ADGRV1: variants seen among roughly 807,000 people sequenced by gnomAD.
ADGRV1 encodes the protein adhesion G protein-coupled receptor V1, also known as G-protein coupled receptor 98.
In ADGRV1, 359 loss-of-function variants were observed where a neutral mutation model predicts 596.2. The ratio of observed to expected loss-of-function variants is 0.60; its 90% CI spans 0.55 to 0.66. ADGRV1 has a LOEUF of 0.66. Ranked by LOEUF, ADGRV1 falls within the 30% of genes least tolerant of loss-of-function variation. The pLI, the probability that ADGRV1 is intolerant of heterozygous loss-of-function variation, is 0.00. For synonymous variants in ADGRV1, 2,681 were observed against 2,679.2 expected (o/e 1.00, Z -0.02); for missense variants, 7,274 against 7,575.6 (o/e 0.96, Z 1.48).
At chr5:91,001,278 A>G (rs2151108101) in intron 85 of ADGRV1, among the ~76,000 whole-genome samples, 1 of 152,050 alleles carries the variant, frequency 6.6e-6, no homozygotes, top group South Asian at 2.1e-4. Flanking sequence ...AGGTCTCACT[A>G]TGTTACCCAG....
At chr5:90,993,913 G>T (rs1005655800) in intron 85 of ADGRV1, among the ~76,000 whole-genome samples, 3 of 149,354 alleles carry the variant, frequency 2.0e-5, no homozygotes, top group African/African-American at 7.4e-5. Flanking sequence ...TAATTTTTTT[G>T]GTTCTATTTT....
At chr5:90,970,605 G>A (rs143096144) in intron 84 of ADGRV1, among the ~76,000 whole-genome samples, 16,359 of 144,762 alleles carry the variant, frequency 0.11, 1,164 homozygotes, top group Non-Finnish European at 0.15. Context: ...GGTCTGGAGT[G>A]GACCTCCAGC....
chr5:91,068,703 TA>T (rs1788103705), intron 85 of ADGRV1, among the ~76,000 whole-genome samples: 1 of 151,942 alleles, frequency 6.6e-6, no homozygotes, highest in Non-Finnish European at 1.5e-5. Flanking sequence ...CAAATGGCCA[TA>T]CTACCCAAAG....
At position 90,654,040 on chromosome 5, in the gene ADGRV1, A is replaced by G. The variant is rs1769048846; in HGVS notation, c.4378+88A>G. ...TTTAGATTTTTAAAAAAGTGCTAAC[A>G]TGTATTTGAAAACTCTACTTATGCA... is the stretch of plus-strand genomic sequence containing the variant. On this transcript the variant is annotated intron_variant, in intron 20 of 89. Transcript: ENST00000405460. 5 of 1,342,536 alleles carry G rather than the reference A, an allele frequency of 3.7e-6. No individual in the cohort carries two copies. The South Asian group carries it at 3.8e-5, about 10-fold the overall frequency. The allele number at this position is 1,342,536 out of a possible 1,614,324, so 83.2% of individuals were successfully genotyped here.
At chr5:90,743,072 C>T (rs957744051) in intron 50 of ADGRV1, among the ~76,000 whole-genome samples, 4 of 152,084 alleles carry the variant, frequency 2.6e-5, no homozygotes, top group Admixed American at 2.0e-4. Context: ...ATTGGAAGTC[C>T]GTGAGTACAG....
chr5:91,138,182 T>C (rs1171905159), intron 87 of ADGRV1, among the ~76,000 whole-genome samples: 1 of 151,978 alleles, frequency 6.6e-6, no homozygotes, highest in African/African-American at 2.4e-5. Context: ...TCAGCTCTTA[T>C]TCCAAAAAAG....
chr5:91,127,765 TCTC>T (rs1793892975), intron 87 of ADGRV1, among the ~76,000 whole-genome samples: 1 of 152,108 alleles, frequency 6.6e-6, no homozygotes, highest in African/African-American at 2.4e-5. Flanking sequence ...CCATTTTAAT[TCTC>T]CTCTGTTTTC....
At position 90,703,728 on chromosome 5, in the gene ADGRV1, G is replaced by A. The variant is rs1748210285; in HGVS notation, c.8219G>A (p.Trp2740Ter). The A allele has an allele frequency of 6.2e-7, 1 of 1,605,010 alleles. No homozygotes were observed. The highest frequency in any genetic ancestry group is 8.5e-7 in the Non-Finnish European group (1 of 1,175,092). ...FPGRGNVTVN[W>*]KIIGQNLELN... is the part of the protein sequence containing the mutation. ...GGTCGAGGAAATGTTACTGTTAACT[G>A]GAAAATTATTGGGCAAAATCTAGAA... The change falls in exon 35 of 90, where the codon TGG (tryptophan) becomes TAG (stop). Residue 2740 changes from tryptophan (W) to a stop codon, truncating the protein, a stop_gained. Transcript: ENST00000405460. LOFTEE classifies it high-confidence loss of function.
chr5:91,095,119 G>T (rs1264878292), intron 86 of ADGRV1, among the ~76,000 whole-genome samples: 3 of 152,146 alleles, frequency 2.0e-5, no homozygotes, highest in Non-Finnish European at 4.4e-5. Flanking sequence ...AATTAGATCT[G>T]AGTATAGAAC....
intron 87 of ADGRV1, among the ~76,000 whole-genome samples, chr5:91,117,076 T>C (rs1371320428): frequency 6.6e-6 from 1 of 152,144 alleles, no homozygotes; most frequent in East Asian, 1.9e-4. Flanking sequence ...AAGATGGTCA[T>C]TTAAAAAGGT....
In ADGRV1 at chr5:90,558,936, G is replaced by T; in HGVS notation, c.22+19G>T. On this transcript the variant is annotated intron_variant, in intron 1 of 89. Transcript: ENST00000405460. ...GGGCCAGGTAGGCTATGGCTGAGGG[G>T]TGGTGCTGCGAGCATCGCTGAGCCC... The T allele has an allele frequency of 6.4e-7, 1 of 1,552,964 alleles. No homozygotes were observed. The highest frequency in any genetic ancestry group is 8.7e-7 in the Non-Finnish European group (1 of 1,147,692).
intron 52 of ADGRV1, among the ~76,000 whole-genome samples, chr5:90,749,515 T>C (rs1755011944): frequency 6.6e-6 from 1 of 152,222 alleles, no homozygotes; most frequent in Non-Finnish European, 1.5e-5. Context: ...GTTAAAATGC[T>C]GTGTAAAATA....
rs1441445687 is a variant in ADGRV1, at chr5:90,828,612, ATTCC to A, written c.16369-329_16369-326del. On this transcript the variant is annotated intron_variant, in intron 76 of 89. Coordinates refer to ENST00000405460, the MANE Select transcript of ADGRV1 (RefSeq NM_032119.4). ...GTGTTAAAAAACATTGAATTAGTTT[ATTCC>A]TTTTAACTACTTTATAGTGTTTTGT... 1.1e-4 allele frequency among the ~76,000 whole-genome samples: 17 copies of A among 152,146 alleles called. 1 individual carries two copies. Among genetic ancestry groups the A allele is most frequent in the Admixed American group, 5.2e-4 (8 of 15,272 alleles).
At chr5:90,875,761 A>G (rs940010845) in intron 83 of ADGRV1, among the ~76,000 whole-genome samples, 1 of 152,214 alleles carries the variant, frequency 6.6e-6, no homozygotes, top group Non-Finnish European at 1.5e-5. Context: ...AGGTTTGGAG[A>G]TGAGAGAACA....
intron 1 of ADGRV1, among the ~76,000 whole-genome samples, chr5:90,595,361 G>C (rs1376123149): frequency 2.2e-5 from 1 of 45,156 alleles, no homozygotes; most frequent in African/African-American, 1.1e-4. Context: ...CCTCCCTCCC[G>C]GACGGGGCGG....
In ADGRV1 at chr5:90,828,944, G is replaced by T. The variant is rs765496324; in HGVS notation, c.16369G>T (p.Val5457Leu). The T allele has an allele frequency of 4.5e-6, 7 of 1,563,428 alleles. No individual in the cohort carries two copies. Among genetic ancestry groups the T allele is most frequent in the East Asian group, 2.3e-5 (1 of 44,364 alleles). ...FISIELKPEK[V>L]PQVEVYFFVE... ...TTTTTTTCCTTTTTCTCATTGTCAG[G>T]TACCACAGGTTGAAGTGTATTTTTT... Residue 5457 changes from valine (V) to leucine (L), a missense_variant and splice_region_variant, in exon 77 of 90, where the codon GTA (valine) becomes TTA (leucine). By Grantham distance (32) the Val-to-Leu change is conservative (BLOSUM62 1). Coordinates refer to ENST00000405460, the MANE Select transcript of ADGRV1 (RefSeq NM_032119.4).
intron 75 of ADGRV1, among the ~76,000 whole-genome samples, chr5:90,816,238 GTGT>G (rs1416085814): frequency 6.6e-6 from 1 of 152,090 alleles, no homozygotes; most frequent in Non-Finnish European, 1.5e-5. Context: ...ATGAGTGGAA[GTGT>G]TGTTTCTTTA....
chr5:90,965,214 T>TG (rs750219910), intron 83 of ADGRV1, among the ~76,000 whole-genome samples: 2 of 152,192 alleles, frequency 1.3e-5, no homozygotes, highest in Non-Finnish European at 2.9e-5. Flanking sequence ...TTTCATATCA[T>TG]GCGCTGTTTC....
chr5:90,639,097 C>CACAT (rs1554067823), intron 11 of ADGRV1, among the ~76,000 whole-genome samples: 5 of 150,774 alleles, frequency 3.3e-5, no homozygotes, highest in South Asian at 2.1e-4. Flanking sequence ...CACACACACA[C>CACAT]GCTCGCGCAC....
Sources: allele counts gnomAD v4.1 joint callset (sites outside exome capture counted in the v4.1 genomes callset), GRCh38; gene constraint gnomAD v4.1.1; transcripts MANE v1.5; gene names NCBI Gene and HGNC (gene_info 2026-07-23, HGNC 2026-07-21).